NOL4: variants seen among roughly 807,000 people sequenced by gnomAD.
The protein encoded by NOL4 is cancer/testis antigen 125.
A neutral mutation model predicts 75.9 loss-of-function variants in NOL4; 17 were observed. The ratio of observed to expected loss-of-function variants is 0.22; its 90% confidence interval spans 0.15 to 0.34. The LOEUF is 0.34. Among genes scored for constraint, NOL4 ranks in the 10% least tolerant of loss-of-function variants. The probability of loss-of-function intolerance (pLI) is 1.00; values close to 1 mark genes in which losing one functional copy is unlikely to be tolerated. For missense variants in NOL4, 614 were observed against 793.5 expected (o/e 0.77, Z 2.72); for synonymous variants, 292 against 289.9 (o/e 1.01, Z -0.07).
intron 9 of NOL4, among the ~76,000 whole-genome samples, chr18:33,927,036 T>A (rs191017045): frequency 6.6e-6 from 1 of 152,350 alleles, no homozygotes; most frequent in Non-Finnish European, 1.5e-5. Flanking sequence ...ATGAGTTTTA[T>A]TAAATGTCAC....
intron 2 of NOL4, among the ~76,000 whole-genome samples, chr18:34,109,481 T>C (rs1306817219): frequency 6.6e-6 from 1 of 152,168 alleles, no homozygotes; most frequent in Non-Finnish European, 1.5e-5. Flanking sequence ...ATCATGCCAC[T>C]GCATTCCAGC....
chr18:33,950,750 A>T (rs1309911518), intron 8 of NOL4, among the ~76,000 whole-genome samples: 1 of 152,188 alleles, frequency 6.6e-6, no homozygotes, highest in Non-Finnish European at 1.5e-5. Flanking sequence ...GTTAGCTAGC[A>T]GTGAGGATTA....
At position 34,019,519 on chromosome 18, in the gene NOL4, C is replaced by T. The variant is rs1484235496; in HGVS notation, c.855G>A (p.Glu285=). ...TGCCATCACTGTTGGAGTCTCCCATCTCCCTGCTGTGTGTTCCCCCTGAAG... is the reference window on the plus strand; with the variant it reads ...TGCCATCACTGTTGGAGTCTCCCATTTCCCTGCTGTGTGTTCCCCCTGAAG... ...SIASGGTHSR[E]MGDSNSDGKT... The change falls in exon 6 of 11, where the codon GAG becomes GAA. Residue 285 remains glutamate (E), a synonymous_variant. Coordinates refer to ENST00000261592, the MANE Select transcript of NOL4 (RefSeq NM_003787.5). 2.5e-6 allele frequency: 4 copies of T among 1,613,942 alleles called. No individual in the cohort carries two copies. Among genetic ancestry groups the T allele is most frequent in the Middle Eastern group, 1.6e-4 (1 of 6,082 alleles).
chr18:33,930,273 A>T (rs980275010), intron 9 of NOL4, among the ~76,000 whole-genome samples: 7 of 152,152 alleles, frequency 4.6e-5, no homozygotes, highest in African/African-American at 1.7e-4. Flanking sequence ...ATAATGGAAC[A>T]TCTATTATTT....
intron 9 of NOL4, among the ~76,000 whole-genome samples, chr18:33,926,295 GGT>G (rs1193419550): frequency 7.0e-6 from 1 of 141,986 alleles, no homozygotes; most frequent in Non-Finnish European, 1.5e-5. Context: ...GGGAGGCAGA[GGT>G]TGTAGTGAGC....
intron 6 of NOL4, among the ~76,000 whole-genome samples, chr18:34,008,562 T>A (rs1472940902): frequency 6.6e-6 from 1 of 151,966 alleles, no homozygotes; most frequent in African/African-American, 2.4e-5. Flanking sequence ...ATGTAATTGA[T>A]AAAAAATACT....
chr18:34,145,200 T>C (rs1012844798), intron 1 of NOL4, among the ~76,000 whole-genome samples: 8 of 152,090 alleles, frequency 5.3e-5, no homozygotes, highest in Non-Finnish European at 1.0e-4. Flanking sequence ...TACTGAAAGG[T>C]TTTTATGGAA....
chr18:34,221,473 C>A (rs2037294865), intron 1 of NOL4: 1 of 152,054 alleles, frequency 6.6e-6, no homozygotes, highest in Admixed American at 6.5e-5. Context: ...CTAAATCATG[C>A]CAATCTAGTC....
intron 6 of NOL4, among the ~76,000 whole-genome samples, chr18:33,994,581 C>G (rs543781467): frequency 6.6e-6 from 1 of 151,884 alleles, no homozygotes; most frequent in East Asian, 1.9e-4. Flanking sequence ...TTAGAAAATA[C>G]TTTTAAGTAA....
chr18:34,184,748 T>C (rs1288478119), intron 1 of NOL4, among the ~76,000 whole-genome samples: 1 of 152,076 alleles, frequency 6.6e-6, no homozygotes, highest in Admixed American at 6.6e-5. Flanking sequence ...GCTAAACCAA[T>C]CCCATTTAGA....
intron 9 of NOL4, among the ~76,000 whole-genome samples, chr18:33,932,353 G>A (rs781297497): frequency 1.1e-4 from 17 of 152,034 alleles, no homozygotes; most frequent in Non-Finnish European, 1.9e-4. Context: ...CTGGCTTTGC[G>A]TCAAAGATTT....
At chr18:34,058,388 C>A (rs1384582211) in intron 5 of NOL4, among the ~76,000 whole-genome samples, 2 of 152,192 alleles carry the variant, frequency 1.3e-5, no homozygotes, top group Non-Finnish European at 2.9e-5. Flanking sequence ...CCCGCCTTGG[C>A]CTCCCAAAAT....
In NOL4 at chr18:34,079,771, C is replaced by T. The variant is rs73957424; in HGVS notation, c.772+13694G>A. Among the ~76,000 whole-genome samples the T allele has an allele frequency of 8.1e-3, 1,236 of 152,250 alleles. 12 individuals carry two copies. Among genetic ancestry groups the T allele is most frequent in the African/African-American group, 0.027 (1,134 of 41,560 alleles). On this transcript the variant is annotated intron_variant, in intron 5 of 10. Coordinates refer to ENST00000261592, the MANE Select transcript of NOL4 (RefSeq NM_003787.5). ...CTCTTCTATAATTTATTCATTCAGA[C>T]TTTTAGGTTTTTGCTCCTATTTAAA...
chr18:34,223,446 C>T lies in NOL4; in HGVS notation c.-193G>A. The T allele has an allele frequency of 1.5e-6, 1 of 677,702 alleles. No individual in the cohort carries two copies. Among genetic ancestry groups the T allele is most frequent in the East Asian group, 2.7e-5 (1 of 36,548 alleles). The allele number at this position is 677,702 out of a possible 1,614,324, so 42.0% of individuals were successfully genotyped here. On this transcript the variant is annotated 5_prime_UTR_variant, in exon 1 of 11. Transcript: ENST00000261592. ...CGGTTGGGCACCAGCAATCAATGCC[C>T]CGTGCTACCAAGTCTGGTCCATTCG... is the stretch of plus-strand genomic sequence containing the variant.
At chr18:34,002,487 T>A (rs2073783946) in intron 6 of NOL4, among the ~76,000 whole-genome samples, 1 of 152,078 alleles carries the variant, frequency 6.6e-6, no homozygotes, top group Non-Finnish European at 1.5e-5. Flanking sequence ...CAAACCAGTG[T>A]CTTTTCCTGC....
In NOL4 at chr18:34,123,048, A is replaced by G. The variant is rs555342080; in HGVS notation, c.414+6823T>C. On this transcript the variant is annotated intron_variant, in intron 2 of 10. Transcript: ENST00000261592. The stretch of plus-strand genomic sequence containing the variant: ...AATATTCACTGGGATATTATAATTT[A>G]ATATAAAAATTATTGATGATGTGGT... 2.6e-5 allele frequency among the ~76,000 whole-genome samples: 4 copies of G among 152,180 alleles called. No individual in the cohort carries two copies. In the South Asian group the frequency reaches 8.3e-4, roughly 32 times the overall value.
chr18:33,953,955 C>T (rs987650136), intron 8 of NOL4, among the ~76,000 whole-genome samples: 1 of 152,080 alleles, frequency 6.6e-6, no homozygotes, highest in Non-Finnish European at 1.5e-5. Flanking sequence ...AGAAAAAGAG[C>T]ATATACTTTA....
At chr18:34,036,823 A>G (rs2075921568) in intron 5 of NOL4, among the ~76,000 whole-genome samples, 3 of 152,160 alleles carry the variant, frequency 2.0e-5, no homozygotes, top group Middle Eastern at 3.4e-3. Context: ...ACTCAGGATT[A>G]CAGGAGGCTG....
intron 10 of NOL4, among the ~76,000 whole-genome samples, chr18:33,880,443 C>G (rs111544236): frequency 6.6e-6 from 1 of 151,712 alleles, no homozygotes; most frequent in South Asian, 2.1e-4. Flanking sequence ...ACATGCATAG[C>G]TTTATATTAT....
Sources: gnomAD v4.1 joint callset for allele counts (sites outside exome capture counted in the v4.1 genomes callset) on GRCh38, gnomAD v4.1.1 for gene constraint, MANE v1.5 for transcripts, NCBI Gene and HGNC (gene_info 2026-07-23, HGNC 2026-07-21) for gene names.